SORCS3: variants seen among roughly 807,000 people sequenced by gnomAD.
The protein encoded by SORCS3 is VPS10 domain-containing receptor SorCS3.
A neutral mutation model predicts 146.3 loss-of-function variants in SORCS3; 57 were observed. That is an observed-to-expected ratio of 0.39 (90% CI 0.31 to 0.49). The LOEUF is 0.49. Among genes scored for constraint, SORCS3 ranks in the 20% least tolerant of loss-of-function variants. The pLI, the probability that SORCS3 is intolerant of heterozygous loss-of-function variation, is 0.92. For missense variants in SORCS3, 1,341 were observed against 1,575.5 expected (o/e 0.85, Z 2.52); for synonymous variants, 653 against 618.5 (o/e 1.06, Z -0.83).
chr10:105,031,591 CT>C (rs2055268150), intron 4 of SORCS3, among the ~76,000 whole-genome samples: 1 of 152,216 alleles, frequency 6.6e-6, no homozygotes, highest in African/African-American at 2.4e-5. Context: ...ACATTACTCC[CT>C]GGAGAACTTG....
At chr10:104,788,586 G>C (rs771186763) in intron 1 of SORCS3, among the ~76,000 whole-genome samples, 1 of 152,174 alleles carries the variant, frequency 6.6e-6, no homozygotes, top group Admixed American at 6.5e-5. Flanking sequence ...AGCCAGAAAA[G>C]CTTTTCATAG....
intron 23 of SORCS3, among the ~76,000 whole-genome samples, chr10:105,254,924 C>T (rs577976423): frequency 1.4e-3 from 220 of 152,152 alleles, no homozygotes; most frequent in Middle Eastern, 6.8e-3. Flanking sequence ...CGCGGTGGCT[C>T]ACGCCTGTAA....
At chr10:104,798,096 A>G (rs1038246388) in intron 1 of SORCS3, among the ~76,000 whole-genome samples, 5 of 152,178 alleles carry the variant, frequency 3.3e-5, no homozygotes, top group Admixed American at 2.6e-4. Context: ...GCACTCATCA[A>G]TTAGAAAGGG....
chr10:105,033,890 A>G (rs555827025), intron 4 of SORCS3, among the ~76,000 whole-genome samples: 1 of 152,308 alleles, frequency 6.6e-6, no homozygotes, highest in East Asian at 1.9e-4. Context: ...ATTTTTACAA[A>G]TTCGGAAAAG....
At chr10:104,707,531 G>A (rs1289237027) in intron 1 of SORCS3, among the ~76,000 whole-genome samples, 1 of 152,114 alleles carries the variant, frequency 6.6e-6, no homozygotes, top group Non-Finnish European at 1.5e-5. Flanking sequence ...GGGAATCAAC[G>A]AAGTAGATTT....
At chr10:105,193,371 A>C (rs1471228909) in intron 14 of SORCS3, among the ~76,000 whole-genome samples, 1 of 152,192 alleles carries the variant, frequency 6.6e-6, no homozygotes, top group Non-Finnish European at 1.5e-5. Context: ...GAAGTGAATG[A>C]TTTTGTTAGA....
At chr10:105,086,632 T>G (rs703471) in intron 5 of SORCS3, among the ~76,000 whole-genome samples, 53,744 of 152,044 alleles carry the variant, frequency 0.35, 9,735 homozygotes, top group Admixed American at 0.43. Flanking sequence ...CTTTTTAGTA[T>G]AGCATAGTAT....
intron 7 of SORCS3, among the ~76,000 whole-genome samples, chr10:105,136,768 T>C (rs1006796412): frequency 3.9e-5 from 6 of 152,178 alleles, no homozygotes; most frequent in Admixed American, 3.9e-4. Context: ...AGGATGAAGC[T>C]TGGTATCTCT....
chr10:104,824,040 A>G (rs74155045), intron 1 of SORCS3, among the ~76,000 whole-genome samples: 2,022 of 152,274 alleles, frequency 0.013, 46 homozygotes, highest in African/African-American at 0.046. Flanking sequence ...GGGAAAAGAA[A>G]AACAACAGAT....
At chr10:105,231,669 AT>A (rs2056766291) in intron 20 of SORCS3, among the ~76,000 whole-genome samples, 1 of 152,144 alleles carries the variant, frequency 6.6e-6, no homozygotes, top group Admixed American at 6.6e-5. Flanking sequence ...GATATTCTTT[AT>A]CATCTCAGGG....
intron 2 of SORCS3, among the ~76,000 whole-genome samples, chr10:104,868,881 T>C (rs777795740): frequency 4.6e-5 from 7 of 152,218 alleles, no homozygotes; most frequent in Non-Finnish European, 1.0e-4. Flanking sequence ...TTTGTGTAAG[T>C]TGTTGATTAG....
At chr10:105,237,331 A>G (rs1467164258) in intron 20 of SORCS3, among the ~76,000 whole-genome samples, 2 of 152,178 alleles carry the variant, frequency 1.3e-5, no homozygotes, top group African/African-American at 4.8e-5. Context: ...TAACAGTAGT[A>G]TCTATGATCA....
intron 1 of SORCS3, among the ~76,000 whole-genome samples, chr10:104,808,466 T>G (rs1051000811): frequency 1.3e-5 from 2 of 152,010 alleles, no homozygotes; most frequent in African/African-American, 4.8e-5. Context: ...CAGGGAACAA[T>G]GAAAATATGG....
intron 8 of SORCS3, among the ~76,000 whole-genome samples, chr10:105,141,919 A>G (rs2056098022): frequency 6.6e-6 from 1 of 152,190 alleles, no homozygotes; most frequent in Non-Finnish European, 1.5e-5. Context: ...ATTGTTTGAC[A>G]GAGTTGTGAG....
intron 9 of SORCS3, among the ~76,000 whole-genome samples, chr10:105,149,846 A>C (rs766034926): frequency 2.0e-5 from 3 of 152,182 alleles, no homozygotes; most frequent in African/African-American, 7.2e-5. Context: ...GGAATGAGGC[A>C]TGAATCAAAA....
chr10:105,152,875 T>A (rs1404093200), intron 9 of SORCS3, among the ~76,000 whole-genome samples: 3 of 152,158 alleles, frequency 2.0e-5, no homozygotes, highest in Non-Finnish European at 4.4e-5. Flanking sequence ...ACACAGCTAG[T>A]GGTGCTACAT....
intron 3 of SORCS3, among the ~76,000 whole-genome samples, chr10:104,968,534 C>T: frequency 6.6e-6 from 1 of 152,182 alleles, no homozygotes; most frequent in Non-Finnish European, 1.5e-5. Flanking sequence ...AACCCCTCTT[C>T]CCCTTCCAGC....
intron 5 of SORCS3, among the ~76,000 whole-genome samples, chr10:105,045,269 C>T (rs1589607320): frequency 6.6e-6 from 1 of 152,230 alleles, no homozygotes; most frequent in Middle Eastern, 3.4e-3. Flanking sequence ...CTGTCATCCA[C>T]CCTCTTCCTT....
chr10:104,900,279 GA>G (rs1297836816), intron 2 of SORCS3, among the ~76,000 whole-genome samples: 1 of 152,162 alleles, frequency 6.6e-6, no homozygotes, highest in African/African-American at 2.4e-5. Flanking sequence ...GTATCTTTAA[GA>G]TATCTTTACC....
Sources: allele counts gnomAD v4.1 joint callset (sites outside exome capture counted in the v4.1 genomes callset), GRCh38; gene constraint gnomAD v4.1.1; transcripts MANE v1.5; gene names NCBI Gene and HGNC (gene_info 2026-07-23, HGNC 2026-07-21).